The following SLIT1 variants were observed in gnomAD, a reference collection of about 807,000 sequenced individuals.
SLIT1 encodes slit homolog 1 protein.
A neutral mutation model predicts 186.1 loss-of-function variants in SLIT1; 66 were observed. The observed-to-expected ratio is 0.35, with a 90% CI of 0.29 to 0.44. The LOEUF is 0.44. Among genes scored for constraint, SLIT1 ranks in the 20% least tolerant of loss-of-function variants. The pLI, the probability that SLIT1 is intolerant of heterozygous loss-of-function variation, is 1.00. For missense variants in SLIT1, 1,638 were observed against 2,037.4 expected, an observed-to-expected ratio of 0.80 and a Z score of 3.77; for synonymous variants, 761 against 833.8, an observed-to-expected ratio of 0.91 and a Z score of 1.50.
At chr10:97,167,894 C>T (rs558785994) in intron 1 of SLIT1, among the ~76,000 whole-genome samples, 12 of 152,308 alleles carry the variant, frequency 7.9e-5, no homozygotes, top group Non-Finnish European at 1.2e-4. Flanking sequence ...CTTCCCCTTC[C>T]GCCATGATTG....
intron 4 of SLIT1, among the ~76,000 whole-genome samples, chr10:97,096,113 T>C (rs1480606304): frequency 6.6e-6 from 1 of 152,182 alleles, no homozygotes; most frequent in East Asian, 1.9e-4. Flanking sequence ...TCTGCCCTGG[T>C]GTGCCAGGCA....
intron 34 of SLIT1, 125 bp downstream of exon 34, chr10:97,003,943 G>T (rs941658663): frequency 2.2e-6 from 2 of 894,940 alleles, no homozygotes; most frequent in African/African-American, 1.7e-5. Context: ...TCCACCTGCA[G>T]CTTGGCCACC....
intron 3 of SLIT1, among the ~76,000 whole-genome samples, chr10:97,162,770 G>A (rs1227810391): frequency 8.6e-6 from 1 of 116,312 alleles, no homozygotes; most frequent in Non-Finnish European, 1.9e-5. Context: ...AGAAGGACGA[G>A]ATCGGCGACC....
chr10:97,127,054 G>A (rs1849609229), intron 4 of SLIT1, among the ~76,000 whole-genome samples: 1 of 152,160 alleles, frequency 6.6e-6, no homozygotes, highest in South Asian at 2.1e-4. Context: ...ACTTTGGGAG[G>A]CTGAGGCGGG....
chr10:97,070,564 G>T (rs1015702602), intron 4 of SLIT1, among the ~76,000 whole-genome samples: 1 of 152,206 alleles, frequency 6.6e-6, no homozygotes, highest in Non-Finnish European at 1.5e-5. Context: ...ATGGTATTAG[G>T]AGGTGAGGAC....
chr10:97,008,482 G>T (rs1848381154), intron 31 of SLIT1, among the ~76,000 whole-genome samples: 1 of 152,166 alleles, frequency 6.6e-6, no homozygotes, highest in Non-Finnish European at 1.5e-5. Context: ...ATCACCTGAG[G>T]TCAGGAGTTC....
intron 5 of SLIT1, chr10:97,065,753 G>A (rs988832168): frequency 4.3e-5 from 18 of 422,102 alleles, no homozygotes; most frequent in Non-Finnish European, 7.5e-5. Flanking sequence ...CATTGCCCAC[G>A]CTGATAACAC....
intron 30 of SLIT1, among the ~76,000 whole-genome samples, chr10:97,011,907 G>C (rs1224686493): frequency 6.6e-6 from 1 of 152,066 alleles, no homozygotes; most frequent in African/African-American, 2.4e-5. Flanking sequence ...GGAAGCCTCT[G>C]GAGAGCACTC....
At chr10:97,163,543 G>A (rs1234700108) in intron 2 of SLIT1, 92 bp from the exon 3 acceptor site, 1 of 1,029,472 alleles carries the variant, frequency 9.7e-7, no homozygotes. Context: ...GGCAACCTCT[G>A]CCAGGGCAGC....
intron 4 of SLIT1, among the ~76,000 whole-genome samples, chr10:97,135,434 G>A (rs1239543003): frequency 3.9e-5 from 6 of 152,164 alleles, no homozygotes; most frequent in Non-Finnish European, 7.4e-5. Context: ...GAAGAGCCAG[G>A]GCAACAGAAC....
chr10:97,007,258 A>G (rs1017832877), intron 31 of SLIT1, among the ~76,000 whole-genome samples: 6 of 152,232 alleles, frequency 3.9e-5, no homozygotes. Context: ...AACTGAACCA[A>G]GAAAAAAATA....
intron 28 of SLIT1, among the ~76,000 whole-genome samples, chr10:97,017,357 C>G (rs1848462923): frequency 6.6e-6 from 1 of 152,230 alleles, no homozygotes; most frequent in African/African-American, 2.4e-5. Flanking sequence ...TTTCTGCCCC[C>G]AGATTCAACA....
chr10:97,023,715 G>A (rs1454557193), intron 25 of SLIT1, among the ~76,000 whole-genome samples: 2 of 152,222 alleles, frequency 1.3e-5, no homozygotes, highest in Non-Finnish European at 2.9e-5. Flanking sequence ...GGCCGAGGCA[G>A]GCAGATCACC....
chr10:97,032,526 G>A (rs1029948805), intron 23 of SLIT1, among the ~76,000 whole-genome samples: 5 of 149,964 alleles, frequency 3.3e-5, no homozygotes, highest in African/African-American at 4.9e-5. Flanking sequence ...CCAAAATCGC[G>A]CCACTGCACT....
rs762472769 is a variant in SLIT1, at chr10:97,064,289, T to C, written c.558-50A>G. 4.6e-6 allele frequency: 7 copies of C among 1,517,508 alleles called. No homozygotes were observed. In the African/African-American group the frequency reaches 8.2e-5, roughly 18 times the overall value. 94.0% of individuals were successfully genotyped at this position (1,517,508 alleles called of 1,614,324 possible). On this transcript the variant is annotated intron_variant, in intron 6 of 36. Coordinates refer to ENST00000266058, the MANE Select transcript of SLIT1 (RefSeq NM_003061.3). ...TTAGCACCTGCCCAGCAGGAGATGA[T>C]GTGGGACAGGGCCGCCCTGCTAACG...
chr10:97,049,215 G>A (rs2134627723), intron 13 of SLIT1, 97 bp from the exon 14 acceptor site: 1 of 1,416,478 alleles, frequency 7.1e-7, no homozygotes. Flanking sequence ...GGGCCAAGGA[G>A]GCTGCCTGTG....
intron 12 of SLIT1, 130 bp downstream of exon 12, chr10:97,057,080 C>T: frequency 1.5e-6 from 1 of 686,080 alleles, no homozygotes; most frequent in South Asian, 1.9e-5. Flanking sequence ...AGTGGGTCTG[C>T]CTGTCTTCCA....
chr10:97,166,526 A>AAGAAGGAAGGAAG (rs397955164), intron 1 of SLIT1, among the ~76,000 whole-genome samples: 3 of 40,156 alleles, frequency 7.5e-5, no homozygotes, highest in African/African-American at 2.1e-4. Context: ...CCAAAAAAAA[A>AAGAAGGAAGGAAG]GAAAGAAGGA....
chr10:97,129,435 G>C (rs900561977), intron 4 of SLIT1, among the ~76,000 whole-genome samples: 1 of 151,948 alleles, frequency 6.6e-6, no homozygotes, highest in Non-Finnish European at 1.5e-5. Flanking sequence ...GTGTTGTGAG[G>C]ATTAAGTTCA....
Sources: allele counts gnomAD v4.1 joint callset (sites outside exome capture counted in the v4.1 genomes callset), GRCh38; gene constraint gnomAD v4.1.1; transcripts MANE v1.5; gene names NCBI Gene and HGNC (gene_info 2026-07-23, HGNC 2026-07-21).